The following THADA variants were observed in gnomAD, a reference collection of about 807,000 sequenced individuals.
The protein encoded by THADA is tRNA (32-2'-O)-methyltransferase regulator THADA.
A neutral mutation model predicts 219.8 loss-of-function variants in THADA; 213 were observed. The observed-to-expected ratio is 0.97, with a 90% CI of 0.87 to 1.09. The LOEUF (loss-of-function observed/expected upper bound fraction) is 1.09. Ranked by LOEUF, THADA falls within the 50% of genes least tolerant of loss-of-function variation. The pLI is 0.00. For missense variants in THADA, 2,956 were observed against 2,311.3 expected (o/e 1.28, Z -5.72); for synonymous variants, 1,018 against 828.9 (o/e 1.23, Z -3.92).
rs555138197 is a variant in THADA at position 43,235,845 on chromosome 2, C to T, written c.5297-2963G>A. On this transcript the variant is annotated intron_variant, in intron 36 of 37. Transcript: ENST00000405975. ...TTTTTGAGACAGAGTCTCGCTCTGT[C>T]GCCCAGGCTGGAGTGCAGTGGCGGG... Among the ~76,000 whole-genome samples the T allele has an allele frequency of 2.9e-3, 440 of 150,208 alleles. 3 individuals carry two copies. Among genetic ancestry groups the T allele is most frequent in the African/African-American group, 0.01 (421 of 40,828 alleles).
At chr2:43,279,534 C>T (rs1390553674) in intron 36 of THADA, among the ~76,000 whole-genome samples, 2 of 152,178 alleles carry the variant, frequency 1.3e-5, no homozygotes, top group African/African-American at 4.8e-5. Flanking sequence ...CAAACTACGG[C>T]TAGTAGATCA....
chr2:43,464,188 T>C (rs1683962992), intron 26 of THADA, among the ~76,000 whole-genome samples: 1 of 152,170 alleles, frequency 6.6e-6, no homozygotes, highest in Non-Finnish European at 1.5e-5. Context: ...AAACCAAAAA[T>C]GTCAGCCTAT....
intron 36 of THADA, among the ~76,000 whole-genome samples, chr2:43,275,145 C>G (rs1672583641): frequency 6.6e-6 from 1 of 152,010 alleles, no homozygotes; most frequent in Non-Finnish European, 1.5e-5. Context: ...ACTGGGACTA[C>G]AGATGTGCAC....
intron 15 of THADA, chr2:43,565,365 G>A (rs1248327905): frequency 6.6e-6 from 1 of 151,484 alleles, no homozygotes; most frequent in Non-Finnish European, 1.5e-5. Flanking sequence ...CTTGAACCCA[G>A]GAGGCAGAGG....
At chr2:43,493,236 C>T (rs1022705059) in intron 25 of THADA, among the ~76,000 whole-genome samples, 1 of 152,204 alleles carries the variant, frequency 6.6e-6, no homozygotes, top group African/African-American at 2.4e-5. Flanking sequence ...GTGGCTCACA[C>T]CTGTAATTCC....
intron 21 of THADA, among the ~76,000 whole-genome samples, chr2:43,540,377 A>G (rs1483770550): frequency 1.3e-5 from 2 of 152,242 alleles, no homozygotes; most frequent in African/African-American, 4.8e-5. Flanking sequence ...CATTATTTCC[A>G]TGGAACTAGT....
At chr2:43,502,541 T>G (rs1219074798) in intron 24 of THADA, among the ~76,000 whole-genome samples, 1 of 141,318 alleles carries the variant, frequency 7.1e-6, no homozygotes, top group East Asian at 2.1e-4. Context: ...GCTGAGATCG[T>G]GCCACTGCCC....
intron 2 of THADA, 79 bp from the exon 3 acceptor site, chr2:43,592,125 T>C: frequency 8.1e-7 from 1 of 1,236,830 alleles, no homozygotes; most frequent in Non-Finnish European, 1.1e-6. Context: ...TTCTACAAAA[T>C]TTTTTAATTA....
intron 8 of THADA, among the ~76,000 whole-genome samples, chr2:43,578,889 T>C (rs1371909339): frequency 1.3e-5 from 2 of 152,208 alleles, no homozygotes; most frequent in Non-Finnish European, 2.9e-5. Context: ...TGGAGTGTAG[T>C]AGCGTGACCT....
At chr2:43,436,559 A>T (rs2104844128) in intron 26 of THADA, among the ~76,000 whole-genome samples, 1 of 152,310 alleles carries the variant, frequency 6.6e-6, no homozygotes, top group South Asian at 2.1e-4. Context: ...ATATCTCTGA[A>T]TGTCCTTCCC....
intron 17 of THADA, among the ~76,000 whole-genome samples, chr2:43,553,418 G>C (rs188818040): frequency 1.3e-5 from 2 of 152,224 alleles, no homozygotes; most frequent in East Asian, 3.9e-4. Flanking sequence ...TGGGATTAGT[G>C]TCCTTAAAAG....
At chr2:43,572,772 G>C in intron 12 of THADA, 42 bp downstream of exon 12, 1 of 1,579,426 alleles carries the variant, frequency 6.3e-7, no homozygotes. Context: ...ACATGAAAGG[G>C]ATCTACTGCA....
intron 21 of THADA, among the ~76,000 whole-genome samples, chr2:43,535,675 C>CAA (rs1177702416): frequency 0.019 from 579 of 29,856 alleles, 8 homozygotes; most frequent in East Asian, 0.037. Context: ...CAGCGAGACT[C>CAA]AAAAAAAAAA....
rs570015502 is a variant in THADA, at chr2:43,380,915, A to C, written c.4227+17056T>G. On this transcript the variant is annotated intron_variant, in intron 29 of 37. Transcript: ENST00000405975. ...GGAGTTCGAGACCAGCCTGGCCAACATGCTGAAACCCCGTCTCTACGAAAA... is the reference window on the plus strand; with the variant it reads ...GGAGTTCGAGACCAGCCTGGCCAACCTGCTGAAACCCCGTCTCTACGAAAA... Among the ~76,000 whole-genome samples the C allele has an allele frequency of 5.9e-5, 9 of 152,142 alleles. No individual in the cohort carries two copies. The South Asian group carries it at 1.9e-3, about 32-fold the overall frequency.
intron 36 of THADA, among the ~76,000 whole-genome samples, chr2:43,253,184 G>T (rs1669975654): frequency 6.6e-6 from 1 of 152,216 alleles, no homozygotes; most frequent in Non-Finnish European, 1.5e-5. Context: ...ATTTGTATGA[G>T]AAGGAGCCAC....
At chr2:43,552,717 T>C (rs1696888460) in intron 17 of THADA, among the ~76,000 whole-genome samples, 1 of 152,140 alleles carries the variant, frequency 6.6e-6, no homozygotes, top group Non-Finnish European at 1.5e-5. Flanking sequence ...AATTCATACA[T>C]TTGAAGTATA....
intron 24 of THADA, 28 bp downstream of exon 24, chr2:43,505,594 T>C (rs757743759): frequency 2.7e-6 from 4 of 1,477,620 alleles, no homozygotes; most frequent in South Asian, 1.2e-5. Flanking sequence ...AAAACAACAC[T>C]GGAGGGTTTG....
At chr2:43,260,999 T>A (rs1236746740) in intron 36 of THADA, among the ~76,000 whole-genome samples, 2 of 148,860 alleles carry the variant, frequency 1.3e-5, no homozygotes, top group African/African-American at 5.1e-5. Context: ...TTTTATCTAA[T>A]ATTTTGTAGA....
intron 25 of THADA, among the ~76,000 whole-genome samples, chr2:43,495,256 A>G (rs1688121116): frequency 6.6e-6 from 1 of 152,190 alleles, no homozygotes. Flanking sequence ...ATATTAAGTA[A>G]CAGTGTTGAT....
Sources: gnomAD v4.1 joint callset for allele counts (sites outside exome capture counted in the v4.1 genomes callset) on GRCh38, gnomAD v4.1.1 for gene constraint, MANE v1.5 for transcripts, NCBI Gene and HGNC (gene_info 2026-07-23, HGNC 2026-07-21) for gene names.